SLC36A1: variants seen among roughly 807,000 people sequenced by gnomAD.
SLC36A1 encodes the protein solute carrier family 36 member 1, also known as proton-coupled amino acid transporter 1.
A neutral mutation model predicts 47.5 loss-of-function variants in SLC36A1; 30 were observed. That is an observed-to-expected ratio of 0.63 (90% CI 0.47 to 0.86). The LOEUF is 0.86. Among genes scored for constraint, SLC36A1 ranks in the 40% least tolerant of loss-of-function variants. SLC36A1 has a pLI of 0.00. For missense variants in SLC36A1, 517 were observed against 606.0 expected (o/e 0.85, Z 1.54); for synonymous variants, 255 against 249.7 (o/e 1.02, Z -0.20).
chr5:151,550,989 C>A, the SLC36A1 span: 1 of 815,476 alleles, frequency 1.2e-6, no homozygotes, highest in Non-Finnish European at 2.0e-6. Flanking sequence ...TCAGCAATCA[C>A]TTGATAAATA....
chr5:151,516,795 G>T, the SLC36A1 span, among the ~76,000 whole-genome samples: 1 of 152,112 alleles, frequency 6.6e-6, no homozygotes, highest in South Asian at 2.1e-4. Context: ...GCCAAAGTTG[G>T]CTTTCTCTTT....
At chr5:151,373,532 T>C in the SLC36A1 span, among the ~76,000 whole-genome samples, 1 of 151,950 alleles carries the variant, frequency 6.6e-6, no homozygotes, top group East Asian at 1.9e-4. Context: ...CCAGAGAAAA[T>C]ATCTTGCAAA....
At chr5:151,531,439 G>T in the SLC36A1 span, 6 of 1,153,056 alleles carry the variant, frequency 5.2e-6, no homozygotes, top group Non-Finnish European at 7.3e-6. This position sits in a 1 kb window ranked among gnomAD's most constrained non-coding sequence, Gnocchi z 5.7. Flanking sequence ...CTGGTACTCG[G>T]AGAGAAGCAG....
the SLC36A1 span, chr5:151,521,143 T>G: frequency 1.2e-6 from 1 of 833,948 alleles, no homozygotes; most frequent in Non-Finnish European, 1.8e-6. Context: ...CGTCTTATGG[T>G]GATTGGTGGC....
At chr5:151,409,481 G>A in the SLC36A1 span, among the ~76,000 whole-genome samples, 5 of 152,178 alleles carry the variant, frequency 3.3e-5, no homozygotes, top group African/African-American at 1.2e-4. Flanking sequence ...TGATAACCAA[G>A]TGTTCAACAG....
the SLC36A1 span, chr5:151,534,587 A>T: frequency 6.2e-7 from 1 of 1,614,016 alleles, no homozygotes; most frequent in Non-Finnish European, 8.5e-7. Context: ...CCTTGGCAAC[A>T]AGGTTGAACA....
At chr5:151,427,559 T>C in the SLC36A1 span, among the ~76,000 whole-genome samples, 3 of 152,190 alleles carry the variant, frequency 2.0e-5, no homozygotes, top group African/African-American at 7.2e-5. Context: ...TGAAACCTGT[T>C]CAGAGGTGAG....
chr5:151,555,367 C>CTTTTTTT, the SLC36A1 span, among the ~76,000 whole-genome samples: 5 of 123,094 alleles, frequency 4.1e-5, no homozygotes, highest in African/African-American at 6.3e-5. Context: ...TAATATATTT[C>CTTTTTTT]TTTTTTTTTT....
the SLC36A1 span, chr5:151,553,115 C>T: frequency 6.5e-7 from 1 of 1,528,300 alleles, no homozygotes; most frequent in South Asian, 1.1e-5. Flanking sequence ...AGCAGGAAAA[C>T]TAGAGCTGGT....
chr5:151,521,423 T>G, the SLC36A1 span: 1 of 1,614,226 alleles, frequency 6.2e-7, no homozygotes, highest in Non-Finnish European at 8.5e-7. Flanking sequence ...CAGGGCACCA[T>G]GGGCATAGCT....
At chr5:151,469,378 G>A in intron 7 of SLC36A1, 1 of 603,642 alleles carries the variant, frequency 1.7e-6, no homozygotes, top group Non-Finnish European at 3.0e-6. Flanking sequence ...CCTTAAAAAT[G>A]CCTTAGTGAG....
chr5:151,510,060 C>A, the SLC36A1 span: 8 of 1,614,114 alleles, frequency 5.0e-6, no homozygotes, highest in South Asian at 2.2e-5. Context: ...ACAGGAAGCT[C>A]CTTTGGGGGA....
the SLC36A1 span, among the ~76,000 whole-genome samples, chr5:151,418,925 C>T: frequency 6.4e-3 from 968 of 152,124 alleles, 7 homozygotes; most frequent in African/African-American, 0.011. Context: ...GGGAGAGACC[C>T]GGTAGAGGTA....
the SLC36A1 span, among the ~76,000 whole-genome samples, chr5:151,415,135 A>G: frequency 1.3e-5 from 2 of 151,898 alleles, no homozygotes; most frequent in African/African-American, 4.8e-5. Context: ...GACACTGAAT[A>G]CTCTGCTTGG....
chr5:151,473,163 A>T (rs1757548637), intron 7 of SLC36A1, among the ~76,000 whole-genome samples: 1 of 150,096 alleles, frequency 6.7e-6, no homozygotes, highest in African/African-American at 2.5e-5. Flanking sequence ...TGACAGAAGG[A>T]GACTCTGTCT....
chr5:151,444,367 G>A (rs1752799327), upstream of SLC36A1, among the ~76,000 whole-genome samples: 1 of 151,962 alleles, frequency 6.6e-6, no homozygotes, highest in Admixed American at 6.5e-5. Context: ...AGTTTTCAGT[G>A]TACACCCTAT....
the SLC36A1 span, among the ~76,000 whole-genome samples, chr5:151,382,954 T>C: frequency 6.6e-6 from 1 of 152,138 alleles, no homozygotes; most frequent in East Asian, 1.9e-4. Context: ...AATGGGGATA[T>C]CTGAAAACAG....
At chr5:151,443,911 A>T (rs1252923745), upstream of SLC36A1, among the ~76,000 whole-genome samples, 2 of 152,150 alleles carry the variant, frequency 1.3e-5, no homozygotes, top group Non-Finnish European at 2.9e-5. Flanking sequence ...AGCACCGTTT[A>T]TTGAGGAGAC....
the SLC36A1 span, chr5:151,419,949 A>G: frequency 6.6e-6 from 1 of 152,238 alleles, no homozygotes; most frequent in East Asian, 1.9e-4. Flanking sequence ...CTAGCACTGC[A>G]TTGCAGTATC....
Sources: allele counts gnomAD v4.1 joint callset (sites outside exome capture counted in the v4.1 genomes callset), GRCh38; gene constraint gnomAD v4.1.1; non-coding constraint Gnocchi (gnomAD v3.1); transcripts MANE v1.5; gene names NCBI Gene and HGNC (gene_info 2026-07-23, HGNC 2026-07-21).